The following NEGR1 variants were observed in gnomAD, a reference collection of about 807,000 sequenced individuals.
NEGR1 encodes the protein IgLON family member 4.
In NEGR1, 10 loss-of-function variants were observed where a neutral mutation model predicts 40.9. The ratio of observed to expected loss-of-function variants is 0.24; its 90% CI spans 0.15 to 0.42. NEGR1 has a LOEUF of 0.42. Ranked by LOEUF, NEGR1 falls within the 10% of genes least tolerant of loss-of-function variation. NEGR1 has a pLI of 1.00. For synonymous variants in NEGR1, 185 were observed against 166.8 expected, an observed-to-expected ratio of 1.11 and a Z score of -0.84; for missense variants, 352 against 438.9, an observed-to-expected ratio of 0.80 and a Z score of 1.77.
chr1:72,064,990 C>T (rs1647238271), intron 1 of NEGR1, among the ~76,000 whole-genome samples: 1 of 151,940 alleles, frequency 6.6e-6, no homozygotes, highest in African/African-American at 2.4e-5. Context: ...TCACATCTAA[C>T]TGTAATTCAA....
At chr1:72,225,396 TTTA>T (rs1654159145) in intron 1 of NEGR1, among the ~76,000 whole-genome samples, 1 of 151,876 alleles carries the variant, frequency 6.6e-6, no homozygotes, top group Admixed American at 6.6e-5. Context: ...AAAACAAACT[TTTA>T]TTTTCTTTAA....
At chr1:71,672,984 C>T (rs539426572) in intron 4 of NEGR1, among the ~76,000 whole-genome samples, 3 of 152,058 alleles carry the variant, frequency 2.0e-5, no homozygotes, top group African/African-American at 7.2e-5. Context: ...GCCTGTAATC[C>T]CAGCACTTTG....
chr1:72,014,144 A>G (rs897840616), intron 1 of NEGR1, among the ~76,000 whole-genome samples: 4 of 151,858 alleles, frequency 2.6e-5, no homozygotes, highest in Admixed American at 6.6e-5. Context: ...TCTTTATCAT[A>G]TAAGTTCTCA....
At chr1:72,144,166 A>G (rs1467316540) in intron 1 of NEGR1, among the ~76,000 whole-genome samples, 1 of 151,270 alleles carries the variant, frequency 6.6e-6, no homozygotes, top group Non-Finnish European at 1.5e-5. Flanking sequence ...TGTTCCAGAA[A>G]CATACAAGAT....
intron 1 of NEGR1, among the ~76,000 whole-genome samples, chr1:72,031,787 G>C (rs559472676): frequency 9.2e-5 from 14 of 152,238 alleles, no homozygotes; most frequent in African/African-American, 3.4e-4. Flanking sequence ...GGTCTGAAGG[G>C]AGGAAGGTTT....
chr1:71,730,877 CGTGTGTGT>C (rs59873481), intron 3 of NEGR1, among the ~76,000 whole-genome samples: 2,752 of 130,046 alleles, frequency 0.021, 75 homozygotes, highest in African/African-American at 0.063. Context: ...GTGAAGCATT[CGTGTGTGT>C]GTGTGTGTGT....
chr1:71,512,651 C>T (rs1268054263), intron 6 of NEGR1, among the ~76,000 whole-genome samples: 4 of 150,766 alleles, frequency 2.7e-5, no homozygotes, highest in East Asian at 2.0e-4. Context: ...ACTGAGATCT[C>T]GGCTCACTAC....
At chr1:71,633,662 C>G (rs1280350783) in intron 4 of NEGR1, among the ~76,000 whole-genome samples, 3 of 152,096 alleles carry the variant, frequency 2.0e-5, no homozygotes, top group Non-Finnish European at 4.4e-5. Context: ...CTCTCTACCT[C>G]CTTGCTTACT....
chr1:71,987,927 A>G (rs970061156), intron 1 of NEGR1, among the ~76,000 whole-genome samples: 3 of 152,208 alleles, frequency 2.0e-5, no homozygotes, highest in Non-Finnish European at 4.4e-5. Context: ...CTTCATTCAA[A>G]AAGGATGCTT....
intron 4 of NEGR1, among the ~76,000 whole-genome samples, chr1:71,625,295 C>A (rs994038730): frequency 2.7e-5 from 4 of 149,762 alleles, no homozygotes; most frequent in Middle Eastern, 3.4e-3. Context: ...TACACACAGA[C>A]ACACACACAC....
chr1:71,607,370 C>T (rs1650104549), intron 5 of NEGR1, among the ~76,000 whole-genome samples: 1 of 152,190 alleles, frequency 6.6e-6, no homozygotes, highest in Non-Finnish European at 1.5e-5. Context: ...TTCACATTGA[C>T]ATTTCAAATT....
intron 6 of NEGR1, among the ~76,000 whole-genome samples, chr1:71,478,628 C>A (rs889808166): frequency 6.6e-6 from 1 of 151,972 alleles, no homozygotes; most frequent in African/African-American, 2.4e-5. Context: ...TTCCTCTGGA[C>A]ATAGTAAATA....
At chr1:72,216,550 G>A (rs954066047) in intron 1 of NEGR1, among the ~76,000 whole-genome samples, 1 of 150,606 alleles carries the variant, frequency 6.6e-6, no homozygotes, top group Admixed American at 6.7e-5. Flanking sequence ...AACTTGAATA[G>A]TTTTATCTAA....
chr1:72,239,967 C>A (rs1005083627), intron 1 of NEGR1, among the ~76,000 whole-genome samples: 3 of 151,714 alleles, frequency 2.0e-5, no homozygotes, highest in Admixed American at 6.6e-5. Flanking sequence ...AAAAACTACA[C>A]AAAACCCCCA....
At chr1:71,447,905 T>C (rs1056134461) in intron 6 of NEGR1, among the ~76,000 whole-genome samples, 4 of 152,222 alleles carry the variant, frequency 2.6e-5, no homozygotes, top group African/African-American at 4.8e-5. Flanking sequence ...ATGGAAATTA[T>C]TTCTCCTACA....
chr1:71,632,679 C>T (rs1263228936), intron 4 of NEGR1, among the ~76,000 whole-genome samples: 1 of 151,716 alleles, frequency 6.6e-6, no homozygotes, highest in East Asian at 1.9e-4. Context: ...AAGTTTATTT[C>T]TTAATTGTCA....
intron 6 of NEGR1, among the ~76,000 whole-genome samples, chr1:71,450,707 G>T (rs143303141): frequency 0.035 from 5,261 of 152,120 alleles, 320 homozygotes; most frequent in African/African-American, 0.12. Flanking sequence ...GTACTTGGGA[G>T]GCTGAGGCAG....
intron 4 of NEGR1, among the ~76,000 whole-genome samples, chr1:71,633,276 A>T (rs1171217821): frequency 1.3e-5 from 2 of 152,014 alleles, no homozygotes; most frequent in Non-Finnish European, 2.9e-5. Flanking sequence ...TGCCACAGAA[A>T]TTTTTTTGTC....
chr1:72,080,011 C>T (rs11209906), intron 1 of NEGR1, among the ~76,000 whole-genome samples: 58,247 of 151,960 alleles, frequency 0.38, 12,135 homozygotes, highest in East Asian at 0.6. Context: ...AGAACCATTA[C>T]TTAGCTCATT....
Sources: gnomAD v4.1 joint callset for allele counts (sites outside exome capture counted in the v4.1 genomes callset) on GRCh38, gnomAD v4.1.1 for gene constraint, MANE v1.5 for transcripts, NCBI Gene and HGNC (gene_info 2026-07-23, HGNC 2026-07-21) for gene names.